The following RBBP8 variants were observed in gnomAD, a reference collection of about 807,000 sequenced individuals.
The protein encoded by RBBP8 is DNA endonuclease RBBP8.
Under a neutral mutation model 108.3 loss-of-function variants are expected in RBBP8, and 88 were observed. That is an observed-to-expected ratio of 0.81 (90% CI 0.68 to 0.97). The LOEUF is 0.97. RBBP8 is among the 50% of genes least tolerant of loss of function. The probability of loss-of-function intolerance (pLI) is 0.00; values close to 1 mark genes in which losing one functional copy is unlikely to be tolerated. For synonymous variants in RBBP8, 332 were observed against 348.2 expected, an observed-to-expected ratio of 0.95 and a Z score of 0.52; for missense variants, 1,023 against 1,049.0, an observed-to-expected ratio of 0.98 and a Z score of 0.34.
At chr18:22,991,795 C>A (rs1915719027) in intron 10 of RBBP8, among the ~76,000 whole-genome samples, 1 of 152,116 alleles carries the variant, frequency 6.6e-6, no homozygotes, top group African/African-American at 2.4e-5. Flanking sequence ...ATAAGGAGGG[C>A]CACTGTACCT....
intron 3 of RBBP8, among the ~76,000 whole-genome samples, chr18:22,926,041 T>G (rs1205266826): frequency 6.6e-6 from 1 of 152,204 alleles, no homozygotes; most frequent in Non-Finnish European, 1.5e-5. Flanking sequence ...CTTCATAAGC[T>G]TATATGAATA....
Position 22,989,266 on chromosome 18 carries a change from A to G in RBBP8, c.755A>G (p.Asn252Ser), listed in dbSNP as rs145139966. The G allele has an allele frequency of 4.3e-6, 7 of 1,611,478 alleles. No individual in the cohort carries two copies. Among genetic ancestry groups the G allele is most frequent in the Non-Finnish European group, 5.9e-6 (7 of 1,177,986 alleles). The stretch of plus-strand genomic sequence containing the variant: ...TATACCCCTGATAAGTCATCTTTTA[A>G]TTTAGCTACAGTTGTTGCTGAAACA... ...SSYTPDKSSF[N>S]LATVVAETLG... Residue 252 changes from asparagine to serine, a missense_variant, in exon 9 of 19, where the codon AAT (asparagine) becomes AGT (serine). Coordinates refer to ENST00000327155, the MANE Select transcript of RBBP8 (RefSeq NM_002894.3).
chr18:22,975,518 C>T (rs1331916205), intron 6 of RBBP8, among the ~76,000 whole-genome samples: 1 of 152,172 alleles, frequency 6.6e-6, no homozygotes, highest in East Asian at 1.9e-4. Context: ...GTTTTGTTAG[C>T]TCCCTTCCAG....
intron 6 of RBBP8, among the ~76,000 whole-genome samples, chr18:22,975,580 A>G (rs1308026269): frequency 1.3e-5 from 2 of 152,098 alleles, no homozygotes; most frequent in Non-Finnish European, 2.9e-5. Flanking sequence ...TTCCTCTTAT[A>G]TAGTACTCAG....
At chr18:22,949,864 T>C in intron 4 of RBBP8, 151 bp downstream of exon 4, 1 of 615,772 alleles carries the variant, frequency 1.6e-6, no homozygotes, top group Non-Finnish European at 2.9e-6. Flanking sequence ...AAAACAAGGA[T>C]CTATTCTTTA....
intron 1 of RBBP8, among the ~76,000 whole-genome samples, chr18:22,935,734 T>C (rs1020356095): frequency 6.6e-6 from 1 of 152,216 alleles, no homozygotes; most frequent in Non-Finnish European, 1.5e-5. Flanking sequence ...TGGTTTCATT[T>C]TAAGAACACA....
At chr18:22,944,502 A>C (rs981422124) in intron 2 of RBBP8, among the ~76,000 whole-genome samples, 4 of 152,228 alleles carry the variant, frequency 2.6e-5, no homozygotes, top group Admixed American at 2.0e-4. Flanking sequence ...AGAAGGGAAA[A>C]CATGTGCATG....
At chr18:23,022,672 T>TAAAATAAAATAA (rs1169553930) in intron 18 of RBBP8, among the ~76,000 whole-genome samples, 1 of 117,832 alleles carries the variant, frequency 8.5e-6, no homozygotes, top group African/African-American at 3.0e-5. Flanking sequence ...ATAAAATAAA[T>TAAAATAAAATAA]AACTGTATAT....
intron 9 of RBBP8, among the ~76,000 whole-genome samples, chr18:22,990,364 T>C (rs1915596626): frequency 6.6e-6 from 1 of 152,264 alleles, no homozygotes; most frequent in African/African-American, 2.4e-5. Context: ...TAAAGGATTA[T>C]TTTAAATTCA....
chr18:23,019,761 A>ATTTTTTT (rs35352558), intron 17 of RBBP8, among the ~76,000 whole-genome samples: 1 of 131,700 alleles, frequency 7.6e-6, no homozygotes, highest in Non-Finnish European at 1.6e-5. Flanking sequence ...ACATTTTATA[A>ATTTTTTT]TTTTTTTTTT....
At chr18:22,920,009 C>T (rs12967547) in intron 3 of RBBP8, among the ~76,000 whole-genome samples, 1 of 151,638 alleles carries the variant, frequency 6.6e-6, no homozygotes, top group Non-Finnish European at 1.5e-5. Flanking sequence ...AGGAAAAAAA[C>T]AAAAATTTTA....
At chr18:22,990,283 A>C (rs541754166) in intron 9 of RBBP8, among the ~76,000 whole-genome samples, 1 of 152,174 alleles carries the variant, frequency 6.6e-6, no homozygotes, top group African/African-American at 2.4e-5. Flanking sequence ...TCTCAGACCT[A>C]CTGAACTTGC....
At chr18:23,013,434 G>A (rs576802826) in intron 16 of RBBP8, among the ~76,000 whole-genome samples, 4 of 152,242 alleles carry the variant, frequency 2.6e-5, no homozygotes, top group Admixed American at 6.5e-5. Context: ...AGTTACCAGC[G>A]CAGGTGAGCC....
chr18:22,972,656 C>G (rs1017911475), intron 5 of RBBP8, among the ~76,000 whole-genome samples: 1 of 151,968 alleles, frequency 6.6e-6, no homozygotes, highest in Non-Finnish European at 1.5e-5. Context: ...TCGGTTGATC[C>G]GCTTTGCATT....
chr18:23,010,493 A>T (rs138840206), intron 16 of RBBP8, among the ~76,000 whole-genome samples: 1 of 152,190 alleles, frequency 6.6e-6, no homozygotes, highest in Non-Finnish European at 1.5e-5. Flanking sequence ...CCAACTACTC[A>T]GGAAGCTTTG....
chr18:22,919,893 C>T (rs73396855), intron 3 of RBBP8, among the ~76,000 whole-genome samples: 11,376 of 151,552 alleles, frequency 0.075, 471 homozygotes, highest in Middle Eastern at 0.14. Flanking sequence ...TTATTAGCTA[C>T]GTAAGCAATT....
intron 1 of RBBP8, among the ~76,000 whole-genome samples, chr18:22,915,138 A>G (rs912488441): frequency 1.3e-5 from 2 of 152,132 alleles, no homozygotes; most frequent in African/African-American, 2.4e-5. Context: ...TTAATTTAAC[A>G]TAACAGCTGA....
intron 6 of RBBP8, among the ~76,000 whole-genome samples, chr18:22,976,344 CTT>C (rs1404082960): frequency 6.6e-6 from 1 of 152,090 alleles, no homozygotes; most frequent in Middle Eastern, 3.2e-3. Context: ...AATGTCAACA[CTT>C]TCTAATTTTA....
At chr18:22,981,779 C>T (rs1212337251) in intron 6 of RBBP8, among the ~76,000 whole-genome samples, 2 of 152,230 alleles carry the variant, frequency 1.3e-5, no homozygotes, top group East Asian at 3.8e-4. Context: ...CCCAATCTTG[C>T]ACAATACTGT....
Sources: gnomAD v4.1 joint callset for allele counts (sites outside exome capture counted in the v4.1 genomes callset) on GRCh38, gnomAD v4.1.1 for gene constraint, MANE v1.5 for transcripts, NCBI Gene and HGNC (gene_info 2026-07-23, HGNC 2026-07-21) for gene names.